DHPS: variants seen among roughly 807,000 people sequenced by gnomAD.
The protein encoded by DHPS is migration-inducing gene 13.
A neutral mutation model predicts 38.7 loss-of-function variants in DHPS; 24 were observed. That is an observed-to-expected ratio of 0.62 (90% confidence interval 0.45 to 0.87). DHPS has a LOEUF of 0.87. Among genes scored for constraint, DHPS ranks in the 40% least tolerant of loss-of-function variants. The pLI is 0.00. For synonymous variants in DHPS, 250 were observed against 204.4 expected, an observed-to-expected ratio of 1.22 and a Z score of -1.90; for missense variants, 510 against 497.6, an observed-to-expected ratio of 1.02 and a Z score of -0.24.
At chr19:12,672,915 G>C (rs1296549573), downstream of DHPS, 2 of 1,599,846 alleles carry the variant, frequency 1.3e-6, no homozygotes, top group Non-Finnish European at 1.7e-6. Context: ...TACGTGGGCA[G>C]TGAGTGTGGC....
At position 12,680,225 on chromosome 19, in the gene DHPS, T is replaced by C. The variant is rs747824470; in HGVS notation, c.308A>G (p.Tyr103Cys). The stretch of plus-strand genomic sequence containing the variant: ...GCCTGAACTGATGAGGTTGGATGTA[T>C]ATCCCAGGAAAATGGTGCAGCTGGT... ...PLTSCTIFLG[Y>C]TSNLISSGIR... Residue 103 changes from tyrosine to cysteine, a missense_variant, in exon 2 of 9, where the codon TAT becomes TGT. By Grantham distance (194) the Tyr-to-Cys change is radical. Coordinates refer to ENST00000210060, the MANE Select transcript of DHPS (RefSeq NM_001930.4). 3.7e-6 allele frequency: 6 copies of C among 1,614,032 alleles called. No homozygotes were observed. The Admixed American group carries it at 8.3e-5, about 22-fold the overall frequency.
At position 12,676,142 on chromosome 19, in the gene DHPS, G is replaced by A. The variant is rs761068689; in HGVS notation, c.889C>T (p.Arg297Trp). Residue 297 changes from arginine to tryptophan, a missense_variant and splice_region_variant, in exon 8 of 9, where the codon CGG (arginine) becomes TGG (tryptophan). Coordinates refer to ENST00000210060, the MANE Select transcript of DHPS (RefSeq NM_001930.4). ...KHHIANANLM[R>W]NGADYAVYIN... ...TAAACAGCGTAGTCGGCCCCGTTCCGCTGTGGGGAGGCGGGGGCACGGTGG... is the reference window on the plus strand; with the variant it reads ...TAAACAGCGTAGTCGGCCCCGTTCCACTGTGGGGAGGCGGGGGCACGGTGG... 14 of 1,606,700 alleles carry A rather than the reference G, an allele frequency of 8.7e-6. No homozygotes were observed. The East Asian group carries it at 2.0e-4, about 23-fold the overall frequency.
Position 12,679,877 on chromosome 19 carries a change from T to C in DHPS, c.418A>G (p.Ile140Val). ...AAGTATGTGGGCGCCAGGCACTTGA[T>C]GAGGTCTTCCTCCACGCCGCCAGCT... ...TTAGGVEEDL[I>V]KCLAPTYLGE... is the part of the protein sequence containing the mutation. The change falls in exon 3 of 9, where the codon ATC becomes GTC. Residue 140 changes from isoleucine to valine, a missense_variant. Ile to Val is a conservative substitution (Grantham distance 29). Coordinates refer to ENST00000210060, the MANE Select transcript of DHPS (RefSeq NM_001930.4). 1 of 1,614,140 alleles carries C rather than the reference T, an allele frequency of 6.2e-7. No homozygotes were observed. Among genetic ancestry groups the C allele is most frequent in the Non-Finnish European group, 8.5e-7 (1 of 1,180,022 alleles).
At chr19:12,676,524 G>A in intron 7 of DHPS, 1 of 224,714 alleles carries the variant, frequency 4.5e-6, no homozygotes. Context: ...TGGCCACCAG[G>A]GGGAGCATGG....
At chr19:12,673,387 C>G, downstream of DHPS, 1 of 808,750 alleles carries the variant, frequency 1.2e-6, no homozygotes, top group African/African-American at 1.7e-5. Context: ...ACCTCAGTCA[C>G]TCCAGGGCCT....
intron 5 of DHPS, 72 bp downstream of exon 5, chr19:12,679,385 A>G: frequency 7.3e-7 from 1 of 1,376,568 alleles, no homozygotes; most frequent in Non-Finnish European, 1.0e-6. Context: ...CTGAATCCCC[A>G]GGAGGCTGGA....
chr19:12,675,676 CA>C (rs1163531048), downstream of DHPS: 1 of 1,599,810 alleles, frequency 6.3e-7, no homozygotes, highest in African/African-American at 1.3e-5. Flanking sequence ...AGGCTGAAGC[CA>C]GGGGACCCAC....
intron 5 of DHPS, among the ~76,000 whole-genome samples, chr19:12,679,195 G>C (rs569057448): frequency 6.6e-6 from 1 of 152,216 alleles, no homozygotes; most frequent in South Asian, 2.1e-4. Flanking sequence ...CTACTCGAGA[G>C]GCTGAGGTGG....
chr19:12,681,671 C>A lies in DHPS; in HGVS notation c.96G>T (p.Arg32=). Residue 32 remains arginine, a synonymous_variant, in exon 1 of 9, where the codon CGG becomes CGT. Coordinates refer to ENST00000210060, the MANE Select transcript of DHPS (RefSeq NM_001930.4). ...TCACACCGCGGTTGAAGTCGTAGCC[C>A]CGGACCTGGGTGCTTTCGGGCGGCA... The part of the protein sequence containing the change: ...STLPPESTQV[R]GYDFNRGVNY... The A allele has an allele frequency of 6.2e-7, 1 of 1,614,236 alleles. No homozygotes were observed. Among genetic ancestry groups the A allele is most frequent in the Middle Eastern group, 1.6e-4 (1 of 6,062 alleles).
At chr19:12,676,178 C>A in intron 7 of DHPS, 36 bp from the exon 8 acceptor site, 1 of 1,558,874 alleles carries the variant, frequency 6.4e-7, no homozygotes, top group Non-Finnish European at 8.6e-7. Context: ...GCCCAGTCAG[C>A]CAGTCACAGG....
chr19:12,672,627 G>A (rs370911906), downstream of DHPS: 1,097 of 576,680 alleles, frequency 1.9e-3, 4 homozygotes, highest in Middle Eastern at 2.8e-3. Context: ...GGAAGAAAAG[G>A]GGGAATCAGA....
At chr19:12,675,452 G>C, downstream of DHPS, 1 of 1,556,530 alleles carries the variant, frequency 6.4e-7, no homozygotes, top group Non-Finnish European at 8.6e-7. Flanking sequence ...GAGATGGGGG[G>C]TGCCCAGGGA....
chr19:12,681,520 A>C, intron 1 of DHPS, 40 bp downstream of exon 1: 1 of 1,611,126 alleles, frequency 6.2e-7, no homozygotes, highest in Non-Finnish European at 8.5e-7. Flanking sequence ...TCTACAAGCC[A>C]CGCCCCTCCG....
intron 1 of DHPS, 140 bp downstream of exon 1, chr19:12,681,419 AG>A: frequency 9.0e-7 from 1 of 1,117,014 alleles, no homozygotes. Flanking sequence ...CGCCCAGAAT[AG>A]GTCCCGCCTT....
rs745469402 is a variant in DHPS at position 12,679,477 on chromosome 19, C to T, written c.658G>A (p.Val220Met). Residue 220 changes from valine to methionine, a missense_variant, in exon 5 of 9, where the codon GTG becomes ATG. Coordinates refer to ENST00000210060, the MANE Select transcript of DHPS (RefSeq NM_001930.4). ...LGKEINNPES[V>M]YYWAQKNHIP... ...CTCACCTTCTGGGCCCAGTAATACACGGACTCTGGGTTGTTGATCTCCTTG... is the reference window on the plus strand; with the variant it reads ...CTCACCTTCTGGGCCCAGTAATACATGGACTCTGGGTTGTTGATCTCCTTG... 17 of 1,614,018 alleles carry T rather than the reference C, an allele frequency of 1.1e-5. No individual in the cohort carries two copies. Among genetic ancestry groups the T allele is most frequent in the South Asian group, 7.7e-5 (7 of 91,088 alleles).
downstream of DHPS, chr19:12,672,881 A>C (rs1180005409): frequency 6.3e-7 from 1 of 1,596,150 alleles, no homozygotes; most frequent in East Asian, 2.3e-5. Context: ...CTATGACCTA[A>C]GGATGGGGCA....
chr19:12,676,246 G>A, intron 7 of DHPS, 104 bp from the exon 8 acceptor site: 1 of 1,376,220 alleles, frequency 7.3e-7, no homozygotes, highest in Non-Finnish European at 9.7e-7. Flanking sequence ...TGTCCCAGAT[G>A]AAGGAAGCCC....
intron 5 of DHPS, 52 bp from the exon 6 acceptor site, chr19:12,677,448 G>T: frequency 6.7e-7 from 1 of 1,487,814 alleles, no homozygotes; most frequent in Non-Finnish European, 9.3e-7. Flanking sequence ...TCGTCTCCAT[G>T]CTGGCTATAT....
At chr19:12,677,031 G>T in intron 7 of DHPS, 77 bp downstream of exon 7, 1 of 1,375,788 alleles carries the variant, frequency 7.3e-7, no homozygotes, top group Non-Finnish European at 1.0e-6. Flanking sequence ...TCTAGTTCAT[G>T]CTGTCTACCC....
Sources: gnomAD v4.1 joint callset for allele counts (sites outside exome capture counted in the v4.1 genomes callset) on GRCh38, gnomAD v4.1.1 for gene constraint, MANE v1.5 for transcripts, NCBI Gene and HGNC (gene_info 2026-07-23, HGNC 2026-07-21) for gene names.